Variants in TMEM39A observed in about 807,000 individuals in gnomAD.
TMEM39A encodes the protein transmembrane protein 39A.
Under a neutral mutation model 51.9 loss-of-function variants are expected in TMEM39A, and 19 were observed. That is an observed-to-expected ratio of 0.37 (90% CI 0.26 to 0.54). The LOEUF is 0.54. Ranked by LOEUF, TMEM39A falls within the 20% of genes least tolerant of loss-of-function variation. The pLI, the probability that TMEM39A is intolerant of heterozygous loss-of-function variation, is 0.88. For missense variants in TMEM39A, 433 were observed against 590.5 expected (o/e 0.73, Z 2.76); for synonymous variants, 197 against 220.2 (o/e 0.89, Z 0.93).
intron 8 of TMEM39A, among the ~76,000 whole-genome samples, chr3:119,433,507 A>C (rs1448467200): frequency 2.6e-5 from 4 of 152,150 alleles, no homozygotes; most frequent in African/African-American, 9.7e-5. Context: ...CAACTTGCCT[A>C]ATCTTTTTTC....
chr3:119,456,564 C>T (rs995671798), intron 3 of TMEM39A, among the ~76,000 whole-genome samples: 1 of 152,210 alleles, frequency 6.6e-6, no homozygotes. Context: ...ATATATAAGA[C>T]AATAGTCTTC....
chr3:119,435,034 G>A lies in TMEM39A; in HGVS notation c.1113-152C>T. On this transcript the variant is annotated intron_variant, in intron 7 of 8. Transcript: ENST00000319172. Reference sequence around the variant, plus strand: ...ATACAGTAATTCCATGGTCAAACTGGAGTAGTTTTAGAAAGGATTTGTTAC... The same window carrying A: ...ATACAGTAATTCCATGGTCAAACTGAAGTAGTTTTAGAAAGGATTTGTTAC... 2.9e-6 allele frequency: 4 copies of A among 1,393,772 alleles called. No homozygotes were observed. The South Asian group carries it at 6.0e-5, about 21-fold the overall frequency. The allele number at this position is 1,393,772 out of a possible 1,614,324, so 86.3% of individuals were successfully genotyped here. A position where few individuals can be genotyped will look rare whatever the true frequency, so the allele number is the denominator to read the frequency against.
rs199861750 is a variant in TMEM39A, at chr3:119,458,043, T to C, written c.311A>G (p.Asn104Ser). ...IYKTVWWYPY[N>S]HPASCTSLNF... is the part of the protein sequence containing the mutation. ...CAGTGATGTACAAGAAGCAGGATGA[T>C]TGTAAGGATACCACCACACTGTTTT... is the stretch of plus-strand genomic sequence containing the variant. The change falls in exon 3 of 9, where the codon AAT (asparagine) becomes AGT (serine). Residue 104 changes from asparagine to serine, a missense_variant. Transcript: ENST00000319172. The C allele has an allele frequency of 1.2e-4, 196 of 1,613,856 alleles. No homozygotes were observed. Among genetic ancestry groups the C allele is most frequent in the African/African-American group, 4.0e-5 (3 of 74,918 alleles).
chr3:119,441,454 C>A (rs538833414), intron 5 of TMEM39A, among the ~76,000 whole-genome samples: 1 of 152,224 alleles, frequency 6.6e-6, no homozygotes, highest in South Asian at 2.1e-4. Flanking sequence ...CGACCAGCCA[C>A]GACATTGCCC....
chr3:119,434,114 A>G (rs1404996638), intron 8 of TMEM39A, among the ~76,000 whole-genome samples: 1 of 152,166 alleles, frequency 6.6e-6, no homozygotes, highest in Admixed American at 6.6e-5. Flanking sequence ...CCCCACTTGC[A>G]TTAGTCAGCT....
In TMEM39A at chr3:119,436,806, T is replaced by C. The variant is rs750566690; in HGVS notation, c.1097A>G (p.Asn366Ser). 3.7e-6 allele frequency: 6 copies of C among 1,613,162 alleles called. No individual in the cohort carries two copies. Among genetic ancestry groups the C allele is most frequent in the South Asian group, 2.2e-5 (2 of 91,006 alleles). ...WQKLEHGSYS[N>S]APQHIWSENT... ...GCTTACTCACATGTGCTGTGGAGCA[T>C]TGCTGTAGGACCCATGTTCCAACTT... Residue 366 changes from asparagine (N) to serine (S), a missense_variant, in exon 7 of 9, where the codon AAT becomes AGT. Physicochemically the swap from Asn to Ser is conservative, Grantham distance 46. Coordinates refer to ENST00000319172, the MANE Select transcript of TMEM39A (RefSeq NM_018266.3).
intron 5 of TMEM39A, among the ~76,000 whole-genome samples, chr3:119,441,083 C>T (rs1369224447): frequency 1.3e-5 from 2 of 152,114 alleles, no homozygotes; most frequent in African/African-American, 2.4e-5. Flanking sequence ...TCTCATTGTT[C>T]CATCAATGAG....
Position 119,458,110 on chromosome 3 carries a change from A to G in TMEM39A, c.244T>C (p.Tyr82His). The G allele has an allele frequency of 6.2e-7, 1 of 1,614,156 alleles. No homozygotes were observed. The change falls in exon 3 of 9, where the codon TAC becomes CAC. Residue 82 changes from tyrosine to histidine, a missense_variant. By Grantham distance (83) the Tyr-to-His change is moderately conservative. This residue lies in a region of TMEM39A where 170 missense variants were observed against 239.8 expected (regional missense o/e 0.71). Transcript: ENST00000319172. ...TGAATGAAAAGAGCAACCAACAGGT[A>G]GATGAAAAAAAGGAATTCAAAGAGT... ...SLLFEFLFFI[Y>H]LLVALFIQYI...
chr3:119,452,388 A>G (rs1699936894), intron 4 of TMEM39A, 59 bp downstream of exon 4: 2 of 1,345,104 alleles, frequency 1.5e-6, no homozygotes, highest in Admixed American at 1.8e-5. Flanking sequence ...TTTAACCTGC[A>G]CCCATTCTAG....
At position 119,461,964 on chromosome 3, in the gene TMEM39A, G is replaced by C; in HGVS notation, c.111C>G (p.Asn37Lys). The C allele has an allele frequency of 6.2e-7, 1 of 1,611,752 alleles. No homozygotes were observed. The highest frequency in any genetic ancestry group is 8.5e-7 in the Non-Finnish European group (1 of 1,179,034). ...ATATAGCCTTATTTTTTCTTTACCT[G>C]TTTCTCAAGCCTGTTCCATTGCCAC... ...GGCGNGTGLR[N>K]RNGSAIGLPV... The change falls in exon 2 of 9, where the codon AAC becomes AAG. Residue 37 changes from asparagine to lysine, a missense_variant and splice_region_variant. By Grantham distance (94) the Asn-to-Lys change is moderately conservative (BLOSUM62 0). Coordinates refer to ENST00000319172, the MANE Select transcript of TMEM39A (RefSeq NM_018266.3).
chr3:119,444,752 T>C (rs575852139), intron 5 of TMEM39A, among the ~76,000 whole-genome samples: 1 of 152,286 alleles, frequency 6.6e-6, no homozygotes, highest in South Asian at 2.1e-4. Flanking sequence ...TTGGGGTAGA[T>C]TCTGAGAATT....
intron 5 of TMEM39A, chr3:119,446,610 T>G (rs1046426773): frequency 1.9e-5 from 3 of 158,418 alleles, no homozygotes; most frequent in African/African-American, 7.2e-5. Flanking sequence ...GGAGGACTAC[T>G]TATTGTACTT....
chr3:119,453,788 T>C (rs970656936), intron 3 of TMEM39A, among the ~76,000 whole-genome samples: 11 of 152,236 alleles, frequency 7.2e-5, no homozygotes, highest in Non-Finnish European at 1.3e-4. Flanking sequence ...CACCCTGTTA[T>C]GGCAGCTAAA....
intron 5 of TMEM39A, 47 bp from the exon 6 acceptor site, chr3:119,438,150 C>T (rs1330455079): frequency 6.9e-7 from 1 of 1,443,880 alleles, no homozygotes; most frequent in Admixed American, 1.9e-5. Flanking sequence ...CACCTAAAAT[C>T]ACACCTTATA....
chr3:119,458,274 G>T, intron 2 of TMEM39A, 34 bp from the exon 3 acceptor site: 1 of 1,584,892 alleles, frequency 6.3e-7, no homozygotes, highest in Non-Finnish European at 8.7e-7. Flanking sequence ...CTCAAATGGT[G>T]ATAACCTCCA....
chr3:119,446,748 T>A (rs2081130711), intron 5 of TMEM39A: 2 of 323,748 alleles, frequency 6.2e-6, no homozygotes, highest in Non-Finnish European at 1.1e-5. Context: ...GGCCTTTACT[T>A]GGTGAAGAGA....
chr3:119,458,577 C>A (rs2081296586), intron 2 of TMEM39A, among the ~76,000 whole-genome samples: 1 of 152,120 alleles, frequency 6.6e-6, no homozygotes, highest in African/African-American at 2.4e-5. Context: ...TAGCTGCCCA[C>A]ATCAGAAACC....
chr3:119,458,628 C>G (rs2081297428), intron 2 of TMEM39A, among the ~76,000 whole-genome samples: 1 of 152,116 alleles, frequency 6.6e-6, no homozygotes, highest in Admixed American at 6.5e-5. Flanking sequence ...GGCGTGGTGG[C>G]TCACACCTGT....
intron 5 of TMEM39A, chr3:119,446,778 A>G: frequency 2.4e-6 from 1 of 418,416 alleles, no homozygotes; most frequent in Non-Finnish European, 4.2e-6. Context: ...AATATTCTCC[A>G]CTGGCAACAC....
Sources: gnomAD v4.1 joint callset for allele counts (sites outside exome capture counted in the v4.1 genomes callset) on GRCh38, gnomAD v4.1.1 for gene constraint, gnomAD v4.1.1 regional missense constraint, MANE v1.5 for transcripts, NCBI Gene and HGNC (gene_info 2026-07-23, HGNC 2026-07-21) for gene names.